CFAP92: variants seen among roughly 807,000 people sequenced by gnomAD.
CFAP92 encodes cilia and flagella associated protein 92 (putative), also known as uncharacterized protein CFAP92.
A neutral mutation model predicts 106.3 loss-of-function variants in CFAP92; 86 were observed. The ratio of observed to expected loss-of-function variants is 0.81; its 90% CI spans 0.68 to 0.97. The LOEUF is 0.97. Among genes scored for constraint, CFAP92 ranks in the 50% least tolerant of loss-of-function variants. The pLI is 0.00. For missense variants in CFAP92, 1,204 were observed against 1,283.8 expected, an observed-to-expected ratio of 0.94 and a Z score of 0.95; for synonymous variants, 477 against 506.4, an observed-to-expected ratio of 0.94 and a Z score of 0.78.
chr3:128,989,316 G>A (rs1191583110), intron 2 of CFAP92, among the ~76,000 whole-genome samples: 1 of 137,822 alleles, frequency 7.3e-6, no homozygotes, highest in Non-Finnish European at 1.5e-5. Flanking sequence ...AAAAATCACA[G>A]TACAATGTGA....
the CFAP92 span, among the ~76,000 whole-genome samples, chr3:129,023,477 C>T: frequency 4.4e-4 from 67 of 152,166 alleles, no homozygotes; most frequent in African/African-American, 1.4e-3. Flanking sequence ...TACAGGCGCC[C>T]GCCACCATGC....
rs1300449960 is a variant in CFAP92, at chr3:128,975,790, T to C, written c.1010A>G (p.Gln337Arg). 1 of 1,596,328 alleles carries C rather than the reference T, an allele frequency of 6.3e-7. No homozygotes were observed. Among genetic ancestry groups the C allele is most frequent in the South Asian group, 1.1e-5 (1 of 87,500 alleles). The change falls in exon 7 of 16, where the codon CAA becomes CGA. Residue 337 changes from glutamine to arginine, a missense_variant. Physicochemically the swap from Gln to Arg is conservative, Grantham distance 43. Coordinates refer to ENST00000645291, the MANE Select transcript of CFAP92 (RefSeq NM_001394090.1). ...LSSLTNILDRQRSQIKGKDSE... is the reference protein window; with the variant it reads ...LSSLTNILDRRRSQIKGKDSE... ...CTATCCTAACTTACTTTGAGACCTT[T>C]GTCTGTCTAATATGTTTGTTAAGCT... is the stretch of plus-strand genomic sequence containing the variant.
At chr3:128,923,294 C>G (rs570386490) in intron 12 of CFAP92, among the ~76,000 whole-genome samples, 1 of 152,142 alleles carries the variant, frequency 6.6e-6, no homozygotes, top group South Asian at 2.1e-4. Context: ...GAATGAGGAC[C>G]GACTGGAGTC....
intron 11 of CFAP92, 66 bp downstream of exon 11, chr3:128,935,059 T>C (rs754949142): frequency 3.6e-4 from 476 of 1,320,816 alleles, no homozygotes; most frequent in Non-Finnish European, 4.5e-4. Context: ...CCTGTTTGGG[T>C]GCAGAGTGTT....
intron 9 of CFAP92, among the ~76,000 whole-genome samples, chr3:128,951,527 C>T (rs780581240): frequency 7.9e-5 from 12 of 152,132 alleles, no homozygotes; most frequent in Admixed American, 2.6e-4. Flanking sequence ...AATACAAAGA[C>T]TTTGAAAAGT....
chr3:128,935,204 G>T lies in CFAP92; in HGVS notation c.2374C>A (p.Pro792Thr). The T allele has an allele frequency of 6.5e-7, 1 of 1,536,110 alleles. No individual in the cohort carries two copies. Among genetic ancestry groups the T allele is most frequent in the Non-Finnish European group, 8.7e-7 (1 of 1,146,870 alleles). ...GCCTGCTGCAGCAGCAGCTCCGTGG[G>T]CTGGAAGAGGTGCACGTGGTACAGG... ...AILYHVHLFQ[P>T]TELLLQQAVF... Residue 792 changes from proline (P) to threonine (T), a missense_variant, in exon 11 of 16, where the codon CCC (proline) becomes ACC (threonine). Transcript: ENST00000645291.
At chr3:128,922,132 G>A (rs1336840699) in intron 12 of CFAP92, among the ~76,000 whole-genome samples, 1 of 152,060 alleles carries the variant, frequency 6.6e-6, no homozygotes, top group Non-Finnish European at 1.5e-5. Context: ...GAGGTCAGGA[G>A]ATCGAGACCA....
At chr3:129,014,051 CAG>C in the CFAP92 span, among the ~76,000 whole-genome samples, 2 of 152,204 alleles carry the variant, frequency 1.3e-5, no homozygotes, top group African/African-American at 2.4e-5. This position sits in a 1 kb window ranked among gnomAD's most constrained non-coding sequence, Gnocchi z 4.3. Flanking sequence ...AAGGGGCAGA[CAG>C]AGTCTTCAGG....
intron 11 of CFAP92, among the ~76,000 whole-genome samples, chr3:128,934,102 C>T (rs1339637759): frequency 6.7e-6 from 1 of 150,134 alleles, no homozygotes; most frequent in Non-Finnish European, 1.5e-5. Context: ...CCTCCGTGCC[C>T]CCGCTGGGTC....
At chr3:129,005,152 GGACA>G (rs113677034), upstream of CFAP92, among the ~76,000 whole-genome samples, 694 of 152,316 alleles carry the variant, frequency 4.6e-3, 4 homozygotes, top group African/African-American at 0.016. Context: ...CACGTGACTA[GGACA>G]GACTGAATTC....
At chr3:128,971,189 G>T in intron 8 of CFAP92, 98 bp downstream of exon 8, 1 of 1,578,140 alleles carries the variant, frequency 6.3e-7, no homozygotes, top group Non-Finnish European at 8.6e-7. Context: ...ATGAAATGAG[G>T]TGGCACGCAG....
chr3:129,019,929 C>T, the CFAP92 span, among the ~76,000 whole-genome samples: 6 of 151,808 alleles, frequency 4.0e-5, no homozygotes, highest in Non-Finnish European at 7.4e-5. Flanking sequence ...CCACCACGCC[C>T]GGCTAATTTT....
chr3:128,911,180 C>G (rs1936265212), intron 15 of CFAP92, among the ~76,000 whole-genome samples: 1 of 152,198 alleles, frequency 6.6e-6, no homozygotes, highest in Admixed American at 6.5e-5. Flanking sequence ...CCCCAGCCTC[C>G]CGAGTAGCTG....
intron 2 of CFAP92, among the ~76,000 whole-genome samples, chr3:128,992,344 C>T (rs868329250): frequency 4.4e-4 from 67 of 151,984 alleles, no homozygotes; most frequent in Admixed American, 2.6e-4. Context: ...GGAGGATGAC[C>T]TGAGGTCAGG....
rs1364565431 is a variant in CFAP92 at position 128,975,450 on chromosome 3, TGGATGGA to T, written c.1021+322_1021+328del. On this transcript the variant is annotated intron_variant, in intron 7 of 15. Coordinates refer to ENST00000645291, the MANE Select transcript of CFAP92 (RefSeq NM_001394090.1). ...AGGGATGGATGGATGGATGGATGGA[TGGATGGA>T]TGGATGGATGGATGAATAAATGGAA... Among the ~76,000 whole-genome samples the T allele has an allele frequency of 1.1e-3, 159 of 145,260 alleles. 1 individual carries two copies. The highest frequency in any genetic ancestry group is 4.4e-3 in the African/African-American group (156 of 35,774).
chr3:128,945,881 T>C lies in CFAP92; in HGVS notation c.1448A>G (p.Gln483Arg), dbSNP rs1430652852. 2 of 1,473,100 alleles carry C rather than the reference T, an allele frequency of 1.4e-6. No homozygotes were observed. The highest frequency in any genetic ancestry group is 1.8e-6 in the Non-Finnish European group (2 of 1,120,480). 91.3% of individuals were successfully genotyped at this position (1,473,100 alleles called of 1,614,324 possible). A position where few individuals can be genotyped will look rare whatever the true frequency, so the allele number is the denominator to read the frequency against. Residue 483 changes from glutamine to arginine, a missense_variant, in exon 10 of 16, where the codon CAG becomes CGG. Gln to Arg is a conservative substitution (Grantham distance 43, BLOSUM62 1). Coordinates refer to ENST00000645291, the MANE Select transcript of CFAP92 (RefSeq NM_001394090.1). ...CCCAAGGAAGATGACGTTGATGTCC[T>C]GGAAATAAACGTGGGTTCCATGGGG... Reference protein sequence around the residue: ...GEPHGTHVYFQDINVIFLGAL... With the variant: ...GEPHGTHVYFRDINVIFLGAL...
chr3:128,981,022 C>T (rs988051463), intron 4 of CFAP92, among the ~76,000 whole-genome samples: 1 of 151,672 alleles, frequency 6.6e-6, no homozygotes, highest in Non-Finnish European at 1.5e-5. Flanking sequence ...GAATCCTTTC[C>T]GGAAGCTTTT....
At chr3:128,923,278 AAGATGGAATGAGG>A (rs1377465599) in intron 12 of CFAP92, among the ~76,000 whole-genome samples, 1 of 152,198 alleles carries the variant, frequency 6.6e-6, no homozygotes, top group East Asian at 1.9e-4. Flanking sequence ...TCTGAATGCG[AAGATGGAATGAGG>A]ACCGACTGGA....
At chr3:128,962,596 GT>G (rs1942025735) in intron 9 of CFAP92, among the ~76,000 whole-genome samples, 1 of 151,904 alleles carries the variant, frequency 6.6e-6, no homozygotes, top group Admixed American at 6.6e-5. Context: ...TAACCCACAA[GT>G]ATAAGAGACC....
Sources: gnomAD v4.1 joint callset for allele counts (sites outside exome capture counted in the v4.1 genomes callset) on GRCh38, gnomAD v4.1.1 for gene constraint, Gnocchi (gnomAD v3.1) non-coding constraint, MANE v1.5 for transcripts, NCBI Gene and HGNC (gene_info 2026-07-23, HGNC 2026-07-21) for gene names.